Variants in PLEKHA7 observed in about 807,000 individuals in gnomAD.
PLEKHA7 encodes the protein pleckstrin homology domain-containing family A member 7.
In PLEKHA7, 104 loss-of-function variants were observed where a neutral mutation model predicts 170.0. The ratio of observed to expected loss-of-function variants is 0.61; its 90% CI spans 0.52 to 0.72. The LOEUF (loss-of-function observed/expected upper bound fraction) is 0.72, where lower values mean the gene tolerates loss of function less well. PLEKHA7 is among the 30% of genes least tolerant of loss of function. The probability of loss-of-function intolerance (pLI) is 0.00; values close to 1 mark genes in which losing one functional copy is unlikely to be tolerated. For missense variants in PLEKHA7, 1,615 were observed against 1,671.7 expected, an observed-to-expected ratio of 0.97 and a Z score of 0.59; for synonymous variants, 648 against 660.8, an observed-to-expected ratio of 0.98 and a Z score of 0.30.
chr11:16,978,443 G>C (rs713504), intron 3 of PLEKHA7, among the ~76,000 whole-genome samples: 32,348 of 152,082 alleles, frequency 0.21, 4,171 homozygotes, highest in African/African-American at 0.33. Context: ...GCAGGCCTGA[G>C]CAAACCCAAC....
chr11:16,830,189 G>A (rs926441198), intron 9 of PLEKHA7, among the ~76,000 whole-genome samples: 3 of 149,368 alleles, frequency 2.0e-5, no homozygotes, highest in Non-Finnish European at 4.5e-5. Flanking sequence ...TTTCTTTGTT[G>A]CCCAGGCTAG....
chr11:16,816,938 T>C lies in PLEKHA7; in HGVS notation c.1728A>G (p.Pro576=). 4 of 1,613,098 alleles carry C rather than the reference T, an allele frequency of 2.5e-6. No homozygotes were observed. Among genetic ancestry groups the C allele is most frequent in the Non-Finnish European group, 2.5e-6 (3 of 1,179,548 alleles). The change falls in exon 11 of 27, where the codon CCA becomes CCG. Residue 576 remains proline (P), a synonymous_variant. Coordinates refer to ENST00000531066, the MANE Select transcript of PLEKHA7 (RefSeq NM_001329630.2). ...GGGGTGGGAAGACCCTTGGGGGTCC[T>C]GGGGGAGGGATGTCCGAGGGAGATG... ...VPPSPSDIPP[P]GPPRVFPPRR...
intron 3 of PLEKHA7, among the ~76,000 whole-genome samples, chr11:16,881,833 G>A (rs2135800245): frequency 6.6e-6 from 1 of 152,268 alleles, no homozygotes; most frequent in East Asian, 1.9e-4. Context: ...GGTTTGAGTG[G>A]TTACAGGTCA....
intron 3 of PLEKHA7, among the ~76,000 whole-genome samples, chr11:16,968,014 C>T (rs188339762): frequency 3.5e-4 from 53 of 152,058 alleles, no homozygotes; most frequent in East Asian, 1.7e-3. Flanking sequence ...CCTGGAGAGA[C>T]GGAGGGAAAG....
chr11:16,814,809 C>T (rs1055058230), intron 12 of PLEKHA7, among the ~76,000 whole-genome samples: 12 of 152,234 alleles, frequency 7.9e-5, no homozygotes, highest in African/African-American at 2.9e-4. Context: ...GGGCGCCCTG[C>T]ATCTCCCTCC....
intron 9 of PLEKHA7, among the ~76,000 whole-genome samples, chr11:16,839,572 A>T (rs942471977): frequency 6.6e-6 from 1 of 151,876 alleles, no homozygotes; most frequent in Non-Finnish European, 1.5e-5. Context: ...ATATTTAGAG[A>T]GGGAAAAAAG....
intron 3 of PLEKHA7, among the ~76,000 whole-genome samples, chr11:17,009,489 G>C (rs1042362527): frequency 5.3e-5 from 8 of 152,086 alleles, no homozygotes; most frequent in African/African-American, 1.9e-4. Context: ...GACCCAAAAA[G>C]ATTAGGCTGT....
intron 3 of PLEKHA7, among the ~76,000 whole-genome samples, chr11:16,915,467 T>G (rs907409331): frequency 3.3e-5 from 5 of 151,456 alleles, no homozygotes; most frequent in Non-Finnish European, 7.4e-5. Flanking sequence ...ACCCACTAAC[T>G]CGTCATCTAG....
intron 4 of PLEKHA7, among the ~76,000 whole-genome samples, chr11:16,864,527 GA>G (rs1232850133): frequency 5.9e-5 from 9 of 152,166 alleles, no homozygotes; most frequent in Non-Finnish European, 1.5e-5. Context: ...ATTTCATCTT[GA>G]ATTTGTAGCT....
chr11:16,822,307 G>A (rs1044651921), intron 10 of PLEKHA7, among the ~76,000 whole-genome samples: 7 of 151,882 alleles, frequency 4.6e-5, no homozygotes, highest in African/African-American at 7.3e-5. Flanking sequence ...TTTACTCTGC[G>A]TCCTGAGCTA....
rs79862268 is a variant in PLEKHA7, at chr11:16,778,888, C to A, written c.*110G>T. 1,297 of 698,498 alleles carry A rather than the reference C, an allele frequency of 1.9e-3. 14 individuals carry two copies. In the African/African-American group the frequency reaches 0.02, roughly 11 times the overall value. 43.3% of individuals were successfully genotyped at this position (698,498 alleles called of 1,614,324 possible). A position where few individuals can be genotyped will look rare whatever the true frequency, so the allele number is the denominator to read the frequency against. On this transcript the variant is annotated 3_prime_UTR_variant, in exon 27 of 27. Coordinates refer to ENST00000531066, the MANE Select transcript of PLEKHA7 (RefSeq NM_001329630.2). ...GTCGGTAAGCTGCTCCTTCCTCCGG[C>A]CGGATTCCCTGCTCAGCTGGAAGGG...
At chr11:16,793,227 G>A (rs926950064) in intron 19 of PLEKHA7, among the ~76,000 whole-genome samples, 7 of 152,312 alleles carry the variant, frequency 4.6e-5, no homozygotes, top group East Asian at 1.9e-4. Flanking sequence ...TTTCCCCTAC[G>A]CCCTGTCCCA....
chr11:16,924,425 C>G (rs1229738288), intron 3 of PLEKHA7, among the ~76,000 whole-genome samples: 1 of 152,166 alleles, frequency 6.6e-6, no homozygotes, highest in Non-Finnish European at 1.5e-5. Flanking sequence ...CAACATTTTT[C>G]TATTTTTCAG....
chr11:16,782,388 C>G (rs1043619038), intron 26 of PLEKHA7, among the ~76,000 whole-genome samples: 12 of 152,204 alleles, frequency 7.9e-5, no homozygotes, highest in African/African-American at 2.9e-4. Context: ...TTTCCTGCCC[C>G]CTTCTTCATG....
intron 3 of PLEKHA7, among the ~76,000 whole-genome samples, chr11:16,999,648 G>C (rs555429488): frequency 6.6e-6 from 1 of 152,294 alleles, no homozygotes; most frequent in African/African-American, 2.4e-5. Context: ...AATGACTTTA[G>C]ACAGATGTTC....
At chr11:16,850,873 G>C (rs1416022027) in intron 8 of PLEKHA7, among the ~76,000 whole-genome samples, 1 of 152,154 alleles carries the variant, frequency 6.6e-6, no homozygotes, top group East Asian at 1.9e-4. Context: ...TGAAATGGCT[G>C]GATGCTAGTT....
chr11:17,013,895 G>A (rs1397422441), intron 3 of PLEKHA7, 94 bp downstream of exon 3: 11 of 1,345,694 alleles, frequency 8.2e-6, no homozygotes, highest in African/African-American at 1.6e-5. Context: ...GCCCGGGCCG[G>A]CGGGAGCAGA....
chr11:16,983,132 T>G (rs1863538880), intron 3 of PLEKHA7, among the ~76,000 whole-genome samples: 1 of 152,030 alleles, frequency 6.6e-6, no homozygotes, highest in African/African-American at 2.4e-5. Context: ...GATGGGAAGG[T>G]TGGAGAGGAC....
At position 17,013,977 on chromosome 11, in the gene PLEKHA7, C is replaced by CCACT; in HGVS notation, c.221+8_221+11dup. 1 of 1,536,928 alleles carries CCACT rather than the reference C, an allele frequency of 6.5e-7. No homozygotes were observed. Among genetic ancestry groups the CCACT allele is most frequent in the South Asian group, 1.2e-5 (1 of 83,034 alleles). ...CGGCACAGGTGCGAGCGCGGCGGCC[C>CCACT]CACTCACTCACTCGATGAAGTAGCT... On this transcript the variant is annotated intron_variant, in intron 3 of 26. Coordinates refer to ENST00000531066, the MANE Select transcript of PLEKHA7 (RefSeq NM_001329630.2).
Sources: gnomAD v4.1 joint callset for allele counts (sites outside exome capture counted in the v4.1 genomes callset) on GRCh38, gnomAD v4.1.1 for gene constraint, MANE v1.5 for transcripts, NCBI Gene and HGNC (gene_info 2026-07-23, HGNC 2026-07-21) for gene names.